Variants in PRELID2 observed in about 807,000 individuals in gnomAD.
PRELID2 encodes the protein PRELI domain containing 2, also known as PRELI domain-containing protein 2.
In PRELID2, 25 loss-of-function variants were observed where a neutral mutation model predicts 28.4. The ratio of observed to expected loss-of-function variants is 0.88; its 90% CI spans 0.64 to 1.23. The LOEUF is 1.23. PRELID2 is among the 50% of genes most tolerant of loss of function. The probability of loss-of-function intolerance (pLI) is 0.00; values close to 1 mark genes in which losing one functional copy is unlikely to be tolerated. For missense variants in PRELID2, 201 were observed against 214.4 expected, an observed-to-expected ratio of 0.94 and a Z score of 0.39; for synonymous variants, 76 against 71.6, an observed-to-expected ratio of 1.06 and a Z score of -0.31.
Position 145,759,594 on chromosome 5 carries a change from T to G in PRELID2, c.*942A>C, listed in dbSNP as rs749196527. On this transcript the variant is annotated 3_prime_UTR_variant, in exon 7 of 7. Transcript: ENST00000683046. The stretch of plus-strand genomic sequence containing the variant: ...ATCTCACAAAATTAATTCTATCATC[T>G]TGTTTCACAAATTTTTTTAAATGAG... 1 of 152,254 alleles carries G rather than the reference T, an allele frequency of 6.6e-6. No individual in the cohort carries two copies. Among genetic ancestry groups the G allele is most frequent in the Non-Finnish European group, 1.5e-5 (1 of 68,050 alleles). The allele number at this position is 152,254 out of a possible 1,614,324, so 9.4% of individuals were successfully genotyped here.
At chr5:145,340,235 T>C in the PRELID2 span, among the ~76,000 whole-genome samples, 1 of 152,174 alleles carries the variant, frequency 6.6e-6, no homozygotes, top group Non-Finnish European at 1.5e-5. Context: ...TGGTCTGAGG[T>C]CTGGCTGACT....
the PRELID2 span, among the ~76,000 whole-genome samples, chr5:145,287,929 C>T: frequency 2.9e-4 from 44 of 152,182 alleles, 2 homozygotes; most frequent in African/African-American, 1.0e-3. Context: ...GGAGTAGTCA[C>T]GTGTTTTGTA....
At chr5:145,659,031 T>C (rs1306582831) in intron 1 of PRELID2, among the ~76,000 whole-genome samples, 1 of 152,096 alleles carries the variant, frequency 6.6e-6, no homozygotes, top group African/African-American at 2.4e-5. Flanking sequence ...TTCAGCACAC[T>C]GGGAAAATGA....
intron 1 of PRELID2, among the ~76,000 whole-genome samples, chr5:145,530,082 T>C (rs1217259679): frequency 6.6e-6 from 1 of 152,134 alleles, no homozygotes; most frequent in African/African-American, 2.4e-5. Flanking sequence ...AAGAGGGTAC[T>C]ATTATCCCTG....
chr5:145,428,047 C>G, the PRELID2 span, among the ~76,000 whole-genome samples: 5 of 152,140 alleles, frequency 3.3e-5, no homozygotes, highest in Admixed American at 1.3e-4. Context: ...CAATCTCTGC[C>G]TCCTGGGTTC....
At chr5:145,610,203 T>C (rs1439959038) in intron 1 of PRELID2, among the ~76,000 whole-genome samples, 3 of 152,144 alleles carry the variant, frequency 2.0e-5, no homozygotes, top group African/African-American at 7.2e-5. Flanking sequence ...CTTTCCCACA[T>C]TGAAGAGGTT....
At chr5:145,353,735 C>G in the PRELID2 span, among the ~76,000 whole-genome samples, 1 of 152,064 alleles carries the variant, frequency 6.6e-6, no homozygotes, top group Non-Finnish European at 1.5e-5. Flanking sequence ...CTCCATGATT[C>G]AATTTACTCC....
chr5:145,633,821 T>C lies in PRELID2; in HGVS notation n.70+131110A>G, dbSNP rs1357756401. Among the ~76,000 whole-genome samples the C allele has an allele frequency of 2.6e-5, 4 of 152,130 alleles. No individual in the cohort carries two copies. In the East Asian group the frequency reaches 7.7e-4, roughly 29 times the overall value. ...CCTCTATAGGCAAATGTGGATCTCT[T>C]AGAAAGCAATGCAACCATTTCCAGG... On this transcript the variant is annotated intron_variant and non_coding_transcript_variant, in intron 1 of 2. Coordinates refer to the PRELID2 transcript ENST00000510259.
chr5:145,458,697 A>C, the PRELID2 span, among the ~76,000 whole-genome samples: 1 of 152,180 alleles, frequency 6.6e-6, no homozygotes, highest in Non-Finnish European at 1.5e-5. Context: ...AAACCCTGAC[A>C]GGTAGAGAAA....
chr5:145,329,255 C>T, the PRELID2 span, among the ~76,000 whole-genome samples: 2 of 152,088 alleles, frequency 1.3e-5, no homozygotes, highest in African/African-American at 2.4e-5. Flanking sequence ...ATTGTCTTGG[C>T]TATAAGCGGT....
At chr5:145,811,348 G>A (rs1753926721) in intron 4 of PRELID2, among the ~76,000 whole-genome samples, 1 of 152,056 alleles carries the variant, frequency 6.6e-6, no homozygotes, top group African/African-American at 2.4e-5. Context: ...GAATTCAATG[G>A]CAGGATCACA....
At chr5:145,273,930 T>C in the PRELID2 span, among the ~76,000 whole-genome samples, 2 of 151,968 alleles carry the variant, frequency 1.3e-5, no homozygotes, top group Non-Finnish European at 2.9e-5. Flanking sequence ...AGAAGGAGTT[T>C]GATGATTTCA....
the PRELID2 span, among the ~76,000 whole-genome samples, chr5:145,321,542 C>T: frequency 6.6e-6 from 1 of 152,184 alleles, no homozygotes; most frequent in East Asian, 1.9e-4. Flanking sequence ...AGACATTTTG[C>T]TACTCCACTG....
At chr5:145,684,466 T>A (rs1168516942) in intron 1 of PRELID2, among the ~76,000 whole-genome samples, 1 of 152,224 alleles carries the variant, frequency 6.6e-6, no homozygotes, top group Non-Finnish European at 1.5e-5. Context: ...CCTATCACTC[T>A]CTTCTTATTG....
the PRELID2 span, among the ~76,000 whole-genome samples, chr5:145,308,068 T>C: frequency 6.6e-6 from 1 of 152,042 alleles, no homozygotes; most frequent in Non-Finnish European, 1.5e-5. Context: ...GGTAATACAC[T>C]CTCTTAAAAG....
intron 1 of PRELID2, chr5:145,825,982 T>C (rs1403191148): frequency 5.1e-6 from 5 of 979,932 alleles, no homozygotes; most frequent in Non-Finnish European, 4.8e-6. Context: ...CAGAGGTCAA[T>C]ACCAGGAACA....
the PRELID2 span, among the ~76,000 whole-genome samples, chr5:145,261,687 A>G: frequency 2.6e-4 from 40 of 152,308 alleles, no homozygotes; most frequent in African/African-American, 8.7e-4. Flanking sequence ...AAAGAATCTG[A>G]ACAGAAGCCC....
At chr5:145,255,689 A>G in the PRELID2 span, among the ~76,000 whole-genome samples, 1 of 151,888 alleles carries the variant, frequency 6.6e-6, no homozygotes, top group Non-Finnish European at 1.5e-5. Flanking sequence ...GCCAAGGTGG[A>G]AGGATCTCTT....
the PRELID2 span, among the ~76,000 whole-genome samples, chr5:145,302,820 CAG>C: frequency 6.6e-6 from 1 of 152,006 alleles, no homozygotes; most frequent in Non-Finnish European, 1.5e-5. Context: ...CTAGTAGTAA[CAG>C]TAGTAAAGGT....
Sources: allele counts gnomAD v4.1 joint callset (sites outside exome capture counted in the v4.1 genomes callset), GRCh38; gene constraint gnomAD v4.1.1; transcripts MANE v1.5; gene names NCBI Gene and HGNC (gene_info 2026-07-23, HGNC 2026-07-21).